Variants in CYP27A1 observed in about 807,000 individuals in gnomAD.
CYP27A1 encodes sterol 26-hydroxylase, mitochondrial.
In CYP27A1, 46 loss-of-function variants were observed where a neutral mutation model predicts 58.2. The observed-to-expected ratio is 0.79, with a 90% CI of 0.62 to 1.01. The LOEUF (loss-of-function observed/expected upper bound fraction) is 1.01. Among genes scored for constraint, CYP27A1 ranks in the 50% least tolerant of loss-of-function variants. The pLI is 0.00. For synonymous variants in CYP27A1, 274 were observed against 285.1 expected, an observed-to-expected ratio of 0.96 and a Z score of 0.39; for missense variants, 704 against 687.0, an observed-to-expected ratio of 1.02 and a Z score of -0.28.
chr2:218,782,205 G>T lies in CYP27A1; in HGVS notation c.23G>T (p.Arg8Met). The change falls in exon 1 of 9, where the codon AGG becomes ATG. Residue 8 changes from arginine (R) to methionine (M), a missense_variant. Coordinates refer to ENST00000258415, the MANE Select transcript of CYP27A1 (RefSeq NM_000784.4). This position sits in a 1 kb window ranked among gnomAD's most constrained non-coding sequence, Gnocchi z 4.1. ...CCCATGGCTGCGCTGGGCTGCGCGAGGCTGAGGTGGGCGCTGCGAGGGGCC... is the reference window on the plus strand; with the variant it reads ...CCCATGGCTGCGCTGGGCTGCGCGATGCTGAGGTGGGCGCTGCGAGGGGCC... MAALGCA[R>M]LRWALRGAGR... is the part of the protein sequence containing the mutation. 1 of 1,538,742 alleles carries T rather than the reference G, an allele frequency of 6.5e-7. No individual in the cohort carries two copies.
chr2:218,813,082 G>GC lies in CYP27A1; in HGVS notation c.1004dup (p.Gly336TrpfsTer21). The GC allele has an allele frequency of 6.2e-7, 1 of 1,612,490 alleles. No homozygotes were observed. The highest frequency in any genetic ancestry group is 8.5e-7 in the Non-Finnish European group (1 of 1,178,786). ...GGGCAGCCTGCCTGAGCTGCTCATG[G>GC]CTGGAGTGGACACGGTGCGTGAAGG... On this transcript the variant is annotated frameshift_variant, in exon 5 of 9. Transcript: ENST00000258415. LOFTEE classifies it high-confidence loss of function.
At chr2:218,791,282 C>T (rs761994922) in intron 1 of CYP27A1, among the ~76,000 whole-genome samples, 17 of 152,216 alleles carry the variant, frequency 1.1e-4, no homozygotes, top group Non-Finnish European at 1.8e-4. Flanking sequence ...GACCAGTGCT[C>T]TGTTTCTGAC....
At chr2:218,798,139 A>G (rs1053089252) in intron 1 of CYP27A1, among the ~76,000 whole-genome samples, 4 of 151,974 alleles carry the variant, frequency 2.6e-5, no homozygotes, top group African/African-American at 7.3e-5. Flanking sequence ...AGTAGCTGGG[A>G]TTACAGGCAT....
At position 218,815,005 on chromosome 2, in the gene CYP27A1, T is replaced by C; in HGVS notation, c.1571T>C (p.Leu524Pro). Reference protein sequence around the residue: ...IVLVPNKKVGLQFLQRQC With the variant: ...IVLVPNKKVGPQFLQRQC ...CTGGTTCCCAATAAGAAAGTGGGCC[T>C]GCAGTTCCTGCAGAGACAGTGCTGA... Residue 524 changes from leucine (L) to proline (P), a missense_variant, in exon 9 of 9, where the codon CTG (leucine) becomes CCG (proline). Leu to Pro is a moderately conservative substitution (Grantham distance 98). Transcript: ENST00000258415. 1.2e-6 allele frequency: 2 copies of C among 1,614,208 alleles called. No individual in the cohort carries two copies. The highest frequency in any genetic ancestry group is 1.7e-6 in the Non-Finnish European group (2 of 1,180,022).
chr2:218,804,652 T>G (rs11677711), intron 1 of CYP27A1, among the ~76,000 whole-genome samples: 4,665 of 152,366 alleles, frequency 0.031, 123 homozygotes, highest in Non-Finnish European at 0.045. Context: ...TTTAACAATA[T>G]TAAGTCTCCT....
intron 1 of CYP27A1, among the ~76,000 whole-genome samples, chr2:218,795,582 T>A (rs1241751312): frequency 6.6e-6 from 1 of 152,214 alleles, no homozygotes; most frequent in Admixed American, 6.5e-5. Flanking sequence ...GCAGGATAAT[T>A]GCTCAGAACC....
intron 8 of CYP27A1, 52 bp downstream of exon 8, chr2:218,814,809 C>G (rs184930780): frequency 6.2e-7 from 1 of 1,613,310 alleles, no homozygotes; most frequent in Admixed American, 1.7e-5. Flanking sequence ...GTGGAGGAGT[C>G]CTGGGAGGAG....
chr2:218,786,925 G>A (rs935054031), intron 1 of CYP27A1, among the ~76,000 whole-genome samples: 1 of 151,960 alleles, frequency 6.6e-6, no homozygotes, highest in Non-Finnish European at 1.5e-5. Context: ...CTCCCAAGTA[G>A]TTAGGACCAC....
intron 1 of CYP27A1, among the ~76,000 whole-genome samples, chr2:218,800,260 A>G (rs1943586247): frequency 6.6e-6 from 1 of 152,082 alleles, no homozygotes; most frequent in Non-Finnish European, 1.5e-5. Flanking sequence ...GGAGGATCAC[A>G]GGGCAATCAG....
At chr2:218,809,923 C>T (rs761068507) in intron 2 of CYP27A1, among the ~76,000 whole-genome samples, 156 bp downstream of exon 2, 1 of 152,144 alleles carries the variant, frequency 6.6e-6, no homozygotes, top group Non-Finnish European at 1.5e-5. Flanking sequence ...GGTGCTGAAG[C>T]CCAGGGACCA....
intron 1 of CYP27A1, among the ~76,000 whole-genome samples, chr2:218,800,731 G>T (rs1006231356): frequency 6.6e-6 from 1 of 152,150 alleles, no homozygotes; most frequent in African/African-American, 2.4e-5. Context: ...ATAAGCGCTT[G>T]TGAAATGAAT....
chr2:218,810,230 G>T (rs546541267), intron 2 of CYP27A1, among the ~76,000 whole-genome samples: 1 of 151,708 alleles, frequency 6.6e-6, no homozygotes, highest in East Asian at 1.9e-4. Context: ...AGTGAGCCGA[G>T]ATCATGCCAC....
chr2:218,802,271 A>G (rs1195732647), intron 1 of CYP27A1, among the ~76,000 whole-genome samples: 1 of 151,492 alleles, frequency 6.6e-6, no homozygotes, highest in Non-Finnish European at 1.5e-5. Flanking sequence ...CCATTGCTCC[A>G]TCTGTAAGGG....
At chr2:218,799,124 C>CA (rs1943575051) in intron 1 of CYP27A1, among the ~76,000 whole-genome samples, 1 of 152,184 alleles carries the variant, frequency 6.6e-6, no homozygotes, top group African/African-American at 2.4e-5. Flanking sequence ...TTATACTTGC[C>CA]AACTGTTAGG....
At position 218,814,592 on chromosome 2, in the gene CYP27A1, C is replaced by T. The variant is rs886044581; in HGVS notation, c.1311C>T (p.Ala437=). 3 of 1,614,122 alleles carry T rather than the reference C, an allele frequency of 1.9e-6. No individual in the cohort carries two copies. Among genetic ancestry groups the T allele is most frequent in the Non-Finnish European group, 2.5e-6 (3 of 1,180,046 alleles). ...ATGTGGTGTCCCGGGACCCCACTGC[C>T]TTCTCTGAGCCTGAAAGCTTCCAGC... is the stretch of plus-strand genomic sequence containing the variant. ...CHYVVSRDPT[A]FSEPESFQPH... is the part of the protein sequence containing the mutation. Residue 437 remains alanine (A), a synonymous_variant, in exon 8 of 9, where the codon GCC becomes GCT. Transcript: ENST00000258415.
At chr2:218,798,826 T>G (rs1176312329) in intron 1 of CYP27A1, among the ~76,000 whole-genome samples, 3 of 152,140 alleles carry the variant, frequency 2.0e-5, no homozygotes, top group Non-Finnish European at 2.9e-5. Context: ...GAAATTGTAG[T>G]GAGCTGAGAT....
chr2:218,813,014 A>C lies in CYP27A1; in HGVS notation c.935A>C (p.His312Pro), dbSNP rs1275856308. 6.2e-7 allele frequency: 1 copy of C among 1,614,218 alleles called. No individual in the cohort carries two copies. Among genetic ancestry groups the C allele is most frequent in the Admixed American group, 1.7e-5 (1 of 60,032 alleles). ...GGCATCCAGGTGTCTGGCTACCTGC[A>C]CTTCTTACTGGCCAGTGGACAGCTC... The part of the protein sequence containing the change: ...PDGIQVSGYL[H>P]FLLASGQLSP... Residue 312 changes from histidine (H) to proline (P), a missense_variant, in exon 5 of 9, where the codon CAC becomes CCC. Physicochemically the swap from His to Pro is moderately conservative, Grantham distance 77. Transcript: ENST00000258415.
At chr2:218,812,879 A>G (rs754993571) in intron 4 of CYP27A1, 45 bp from the exon 5 acceptor site, 8 of 1,613,578 alleles carry the variant, frequency 5.0e-6, no homozygotes, top group Non-Finnish European at 6.8e-6. Context: ...CTTGGAGATC[A>G]TGACTTTTGG....
chr2:218,800,241 G>A (rs989301047), intron 1 of CYP27A1, among the ~76,000 whole-genome samples: 3 of 151,962 alleles, frequency 2.0e-5, no homozygotes, highest in Admixed American at 6.6e-5. Context: ...CCCATTCTTC[G>A]GTGTTCCAGG....
Sources: gnomAD v4.1 joint callset for allele counts (sites outside exome capture counted in the v4.1 genomes callset) on GRCh38, gnomAD v4.1.1 for gene constraint, Gnocchi (gnomAD v3.1) non-coding constraint, MANE v1.5 for transcripts, NCBI Gene and HGNC (gene_info 2026-07-23, HGNC 2026-07-21) for gene names.